Variants in DNAH9 observed in about 807,000 individuals in gnomAD.
DNAH9 encodes dynein axonemal heavy chain 9, also known as DNAH9 variant protein.
DNAH9 carries 345 observed loss-of-function variants against 471.6 expected under a neutral mutation model. That is an observed-to-expected ratio of 0.73 (90% CI 0.67 to 0.80). DNAH9 has a LOEUF of 0.80. DNAH9 is among the 30% of genes least tolerant of loss of function. The probability of loss-of-function intolerance (pLI) is 0.00; values close to 1 mark genes in which losing one functional copy is unlikely to be tolerated. For missense variants in DNAH9, 5,407 were observed against 5,609.2 expected, an observed-to-expected ratio of 0.96 and a Z score of 1.15; for synonymous variants, 2,093 against 2,123.6, an observed-to-expected ratio of 0.99 and a Z score of 0.40.
Position 11,869,226 on chromosome 17 carries a change from A to C in DNAH9, c.10026A>C (p.Ala3342=), listed in dbSNP as rs376913817. 6.2e-7 allele frequency: 1 copy of C among 1,613,662 alleles called. No homozygotes were observed. Among genetic ancestry groups the C allele is most frequent in the Non-Finnish European group, 8.5e-7 (1 of 1,179,810 alleles). ...LKCQQEAEVT[A]VTISLANRLV... ...GTCAGCAAGAAGCCGAAGTGACCGC[A>C]GTCACCATCTCCCTTGCCAACCGCC... Residue 3342 remains alanine, a synonymous_variant, in exon 51 of 69, where the codon GCA becomes GCC. Coordinates refer to ENST00000262442, the MANE Select transcript of DNAH9 (RefSeq NM_001372.4).
At chr17:11,840,618 A>G (rs893478360) in intron 49 of DNAH9, among the ~76,000 whole-genome samples, 1 of 152,228 alleles carries the variant, frequency 6.6e-6, no homozygotes, top group Non-Finnish European at 1.5e-5. Context: ...TCATATAACA[A>G]AAGTGACTTT....
In DNAH9 at chr17:11,644,713, G is replaced by A. The variant is rs375123574; in HGVS notation, c.1970+14G>A. On this transcript the variant is annotated intron_variant, in intron 11 of 68. Transcript: ENST00000262442. ...ATTGCTAGAAAAGTAAGCAACTTCT[G>A]GCATTGCGTGGGTCTGCAGATTGCA... 371 of 1,596,230 alleles carry A rather than the reference G, an allele frequency of 2.3e-4. No individual in the cohort carries two copies. Among genetic ancestry groups the A allele is most frequent in the Non-Finnish European group, 3.1e-4 (357 of 1,165,626 alleles).
chr17:11,664,805 T>C (rs569838311), intron 14 of DNAH9, 28 bp from the exon 15 acceptor site: 14 of 1,600,582 alleles, frequency 8.7e-6, no homozygotes, highest in Non-Finnish European at 1.2e-5. Flanking sequence ...TTAAACGAGG[T>C]TTATATCCTT....
chr17:11,768,899 A>T (rs1421912903), intron 37 of DNAH9, among the ~76,000 whole-genome samples: 1 of 152,092 alleles, frequency 6.6e-6, no homozygotes. Flanking sequence ...CCCGGGTGGT[A>T]GAGGAGAGCG....
At chr17:11,938,847 T>C (rs1974801783) in intron 66 of DNAH9, among the ~76,000 whole-genome samples, 1 of 152,078 alleles carries the variant, frequency 6.6e-6, no homozygotes, top group Non-Finnish European at 1.5e-5. Context: ...AATCCTCTCA[T>C]TTTGACCTCC....
At position 11,881,419 on chromosome 17, in the gene DNAH9, G is replaced by A. The variant is rs1293415924; in HGVS notation, c.10806+6G>A. ...CAGACTTGGAGCAGCTGAAGGTGAG[G>A]ACAGAAGGGAGAAAATGTTCTGCCA... On this transcript the variant is annotated splice_donor_region_variant and intron_variant, in intron 55 of 68. Coordinates refer to ENST00000262442, the MANE Select transcript of DNAH9 (RefSeq NM_001372.4). 6.2e-7 allele frequency: 1 copy of A among 1,606,440 alleles called. No individual in the cohort carries two copies. The highest frequency in any genetic ancestry group is 1.3e-5 in the African/African-American group (1 of 74,808).
At chr17:11,711,816 C>A (rs1405277310) in intron 26 of DNAH9, among the ~76,000 whole-genome samples, 1 of 140,276 alleles carries the variant, frequency 7.1e-6, no homozygotes, top group Admixed American at 7.5e-5. Flanking sequence ...TGAATGTGAT[C>A]TCTGGGTCTT....
Position 11,689,621 on chromosome 17 carries a change from C to T in DNAH9, c.3799C>T (p.Gln1267Ter). 3 of 1,613,926 alleles carry T rather than the reference C, an allele frequency of 1.9e-6. No individual in the cohort carries two copies. Among genetic ancestry groups the T allele is most frequent in the Non-Finnish European group, 2.5e-6 (3 of 1,179,828 alleles). Residue 1267 changes from glutamine to a stop codon, truncating the protein, a stop_gained, in exon 20 of 69, where the codon CAG becomes TAG. Coordinates refer to ENST00000262442, the MANE Select transcript of DNAH9 (RefSeq NM_001372.4). LOFTEE classifies it high-confidence loss of function. ...GGATGCCAGGCACATCGAGATCCAG[C>T]AGATGGAATCCACTATGGCCTCCAT... ...MLDARHIEIQ[Q>*]MESTMASISE...
chr17:11,852,277 C>T (rs1272932446), intron 49 of DNAH9, among the ~76,000 whole-genome samples: 2 of 152,192 alleles, frequency 1.3e-5, no homozygotes. Context: ...AATGGTTTCA[C>T]AGCATTTTAA....
intron 48 of DNAH9, among the ~76,000 whole-genome samples, chr17:11,832,901 G>A (rs1970724218): frequency 1.3e-5 from 2 of 152,210 alleles, no homozygotes; most frequent in African/African-American, 4.8e-5. Context: ...AAATAGGTCT[G>A]TGTCTTTCCT....
At chr17:11,694,293 T>G (rs1385954649) in intron 21 of DNAH9, 28 bp from the exon 22 acceptor site, 1 of 1,613,150 alleles carries the variant, frequency 6.2e-7, no homozygotes, top group Admixed American at 1.7e-5. Flanking sequence ...CATTCTTAAC[T>G]GGGAAATTCT....
Position 11,932,996 on chromosome 17 carries a change from G to A in DNAH9, c.12297+791G>A, listed in dbSNP as rs145448931. ...ACCACCTCTTCCTCGTGGGGAAAAC[G>A]AACCAGGCCCAGATGCCCTGAGAAA... On this transcript the variant is annotated intron_variant, in intron 64 of 68. Transcript: ENST00000262442. The surrounding 1 kb of genome is among the most constrained non-coding windows in gnomAD (Gnocchi z 4.3). Among the ~76,000 whole-genome samples, 10 of 152,314 alleles carry A rather than the reference G, an allele frequency of 6.6e-5. No homozygotes were observed. Among genetic ancestry groups the A allele is most frequent in the East Asian group, 1.9e-4 (1 of 5,176 alleles).
rs2073544136 is a variant in DNAH9 at position 11,652,863 on chromosome 17, A to C, written c.2456A>C (p.Lys819Thr). 3 of 1,614,054 alleles carry C rather than the reference A, an allele frequency of 1.9e-6. No homozygotes were observed. The African/African-American group carries it at 4.0e-5, about 22-fold the overall frequency. ...DNVEEIQNIM[K>T]TWVTPIFKTK... ...GTGGAAGAGATCCAAAACATCATGA[A>C]AACATGGGTGACTCCAATATTTAAG... The change falls in exon 14 of 69, where the codon AAA (lysine) becomes ACA (threonine). Residue 819 changes from lysine to threonine, a missense_variant. Physicochemically the swap from Lys to Thr is moderately conservative, Grantham distance 78 (BLOSUM62 -1). Around this residue, in one of 3 missense-constraint regions of DNAH9, gnomAD observed 4,636 missense variants for 4,900.3 expected, o/e 0.95. Coordinates refer to ENST00000262442, the MANE Select transcript of DNAH9 (RefSeq NM_001372.4).
chr17:11,629,228 C>T (rs1380502822), intron 6 of DNAH9, among the ~76,000 whole-genome samples, 189 bp from the exon 7 acceptor site: 1 of 151,880 alleles, frequency 6.6e-6, no homozygotes, highest in African/African-American at 2.4e-5. Flanking sequence ...AGGTATATCT[C>T]CTAATGCTAT....
Position 11,935,956 on chromosome 17 carries a change from A to G in DNAH9, c.12490-1396A>G, listed in dbSNP as rs75405857. Among the ~76,000 whole-genome samples, 1,058 of 152,312 alleles carry G rather than the reference A, an allele frequency of 6.9e-3. 10 individuals are homozygous for G. Among genetic ancestry groups the G allele is most frequent in the East Asian group, 0.051 (262 of 5,186 alleles). ...AGGCAAAAAGGCTTTTCCCGGGAAA[A>G]TTGTGCAACAGCGTCCCCTAGTGTC... On this transcript the variant is annotated intron_variant, in intron 65 of 68. Transcript: ENST00000262442.
intron 12 of DNAH9, among the ~76,000 whole-genome samples, chr17:11,648,954 CA>C (rs1211568766): frequency 6.6e-6 from 1 of 151,978 alleles, no homozygotes; most frequent in African/African-American, 2.4e-5. Flanking sequence ...GGAGAAACCC[CA>C]TCTCTACTAA....
intron 48 of DNAH9, among the ~76,000 whole-genome samples, chr17:11,833,551 CTGGG>C (rs1970741846): frequency 6.6e-6 from 1 of 152,142 alleles, no homozygotes; most frequent in Non-Finnish European, 1.5e-5. Context: ...TTGGCTTTCT[CTGGG>C]TGGTCCACAG....
intron 4 of DNAH9, 131 bp downstream of exon 4, chr17:11,611,911 G>T: frequency 1.2e-6 from 1 of 853,460 alleles, no homozygotes; most frequent in Non-Finnish European, 1.9e-6. Context: ...AAACTAGCAT[G>T]GTGGCAAGAA....
chr17:11,840,434 G>A (rs976669233), intron 49 of DNAH9, among the ~76,000 whole-genome samples: 29 of 152,068 alleles, frequency 1.9e-4, no homozygotes, highest in African/African-American at 3.1e-4. Context: ...TGAGCATTTA[G>A]TTTACTTTTT....
Sources: gnomAD v4.1 joint callset for allele counts (sites outside exome capture counted in the v4.1 genomes callset) on GRCh38, gnomAD v4.1.1 for gene constraint, gnomAD v4.1.1 regional missense constraint, Gnocchi (gnomAD v3.1) non-coding constraint, MANE v1.5 for transcripts, NCBI Gene and HGNC (gene_info 2026-07-23, HGNC 2026-07-21) for gene names.